The following SNTN variants were observed in gnomAD, a reference collection of about 807,000 sequenced individuals.
SNTN encodes sentan, cilia apical structure protein.
Under a neutral mutation model 12.3 loss-of-function variants are expected in SNTN, and 13 were observed. The ratio of observed to expected loss-of-function variants is 1.05; its 90% CI spans 0.69 to 1.67. The LOEUF (loss-of-function observed/expected upper bound fraction) is 1.67. SNTN is among the 40% of genes most tolerant of loss of function. The pLI is 0.00. For synonymous variants in SNTN, 69 were observed against 58.5 expected (o/e 1.18, Z -0.82); for missense variants, 189 against 169.8 (o/e 1.11, Z -0.63).
chr3:63,659,922 G>T, intron 3 of SNTN, 58 bp downstream of exon 3: 1 of 1,595,876 alleles, frequency 6.3e-7, no homozygotes, highest in South Asian at 1.1e-5. Context: ...CTGACCCAAT[G>T]AGCAAATAAC....
chr3:63,660,165 C>T, intron 3 of SNTN, among the ~76,000 whole-genome samples: 1 of 152,146 alleles, frequency 6.6e-6, no homozygotes, highest in Middle Eastern at 3.4e-3. Context: ...CAAAGATGGG[C>T]TCCTGGAAAA....
At position 63,652,892 on chromosome 3, in the gene SNTN, T is replaced by C. The variant is rs1309137783; in HGVS notation, c.110+95T>C. 12 of 1,193,792 alleles carry C rather than the reference T, an allele frequency of 1.0e-5. No homozygotes were observed. The African/African-American group carries it at 1.4e-4, about 14-fold the overall frequency. The allele number at this position is 1,193,792 out of a possible 1,614,324, so 73.9% of individuals were successfully genotyped here. A position where few individuals can be genotyped will look rare whatever the true frequency, so the allele number is the denominator to read the frequency against. On this transcript the variant is annotated intron_variant, in intron 1 of 3. Transcript: ENST00000343837. ...GTCAACAGCTTTATAAGCCAAGTTATTGCCAGTTTGGTGCCTATTACCTAC... is the reference window on the plus strand; with the variant it reads ...GTCAACAGCTTTATAAGCCAAGTTACTGCCAGTTTGGTGCCTATTACCTAC...
chr3:63,664,242 A>G lies in SNTN; in HGVS notation c.*147A>G. On this transcript the variant is annotated 3_prime_UTR_variant, in exon 4 of 4. Transcript: ENST00000343837. ...ATTGCTGGTATTCAGATCCAATGTA[A>G]CTCCAAATATTTACCCATACACTTC... The G allele has an allele frequency of 1.4e-6, 1 of 693,666 alleles. No homozygotes were observed. Among genetic ancestry groups the G allele is most frequent in the Non-Finnish European group, 2.3e-6 (1 of 428,850 alleles). The allele number at this position is 693,666 out of a possible 1,614,324, so 43.0% of individuals were successfully genotyped here.
intron 2 of SNTN, among the ~76,000 whole-genome samples, chr3:63,658,129 C>T (rs566366862): frequency 2.6e-5 from 4 of 152,242 alleles, no homozygotes; most frequent in Non-Finnish European, 5.9e-5. Flanking sequence ...TGTCTTCTTT[C>T]AGAAATCTGC....
At chr3:63,662,465 T>C (rs965845856) in intron 3 of SNTN, among the ~76,000 whole-genome samples, 2 of 152,174 alleles carry the variant, frequency 1.3e-5, no homozygotes, top group Non-Finnish European at 2.9e-5. Context: ...AGGTGACAGG[T>C]CATGCCCCAG....
rs752744525 is a variant in SNTN at position 63,652,780 on chromosome 3, T to C, written c.93T>C (p.Pro31=). Residue 31 remains proline (P), a synonymous_variant, in exon 1 of 4, where the codon CCT becomes CCC. Coordinates refer to ENST00000343837, the MANE Select transcript of SNTN (RefSeq NM_001080537.2). ...CAGCCCCAACATCCACCTGCGCACC[T>C]AGGAAAATGCCCAAAAGGTCAGTGG... ...PSAAPTSTCA[P]RKMPKRISIS... The C allele has an allele frequency of 6.2e-7, 1 of 1,613,984 alleles. No individual in the cohort carries two copies. Among genetic ancestry groups the C allele is most frequent in the Admixed American group, 1.7e-5 (1 of 59,994 alleles).
intron 2 of SNTN, among the ~76,000 whole-genome samples, chr3:63,659,160 T>C (rs1700715605): frequency 6.6e-6 from 1 of 152,194 alleles, no homozygotes; most frequent in Non-Finnish European, 1.5e-5. Context: ...AGCATTGCCC[T>C]ATCAAGAAGC....
rs773451193 is a variant in SNTN, at chr3:63,659,705, C to T, written c.146-20C>T. ...TATTTCTAACTCAGGATACTTTATT[C>T]CACATTTCTTCTCTCCTAGCTCTGA... On this transcript the variant is annotated intron_variant, in intron 2 of 3. Coordinates refer to ENST00000343837, the MANE Select transcript of SNTN (RefSeq NM_001080537.2). The T allele has an allele frequency of 1.4e-5, 23 of 1,613,236 alleles. No homozygotes were observed. Among genetic ancestry groups the T allele is most frequent in the Admixed American group, 8.3e-5 (5 of 59,966 alleles).
intron 2 of SNTN, among the ~76,000 whole-genome samples, chr3:63,659,514 A>T (rs924316530): frequency 1.3e-5 from 2 of 151,840 alleles, no homozygotes; most frequent in Non-Finnish European, 2.9e-5. Context: ...CTCATATCTA[A>T]CTCTACTAAT....
At chr3:63,654,019 C>G (rs1203399829) in intron 1 of SNTN, among the ~76,000 whole-genome samples, 1 of 152,228 alleles carries the variant, frequency 6.6e-6, no homozygotes, top group Non-Finnish European at 1.5e-5. Context: ...TCCTTCTTCA[C>G]TACTGATTCA....
chr3:63,655,079 G>A (rs978346219), intron 2 of SNTN, among the ~76,000 whole-genome samples: 3 of 152,040 alleles, frequency 2.0e-5, no homozygotes, highest in Admixed American at 6.6e-5. Context: ...ATCCAGTTGC[G>A]TCTCCAAGGG....
chr3:63,664,019 T>C lies in SNTN; in HGVS notation c.368T>C (p.Phe123Ser). Residue 123 changes from phenylalanine (F) to serine (S), a missense_variant, in exon 4 of 4, where the codon TTC (phenylalanine) becomes TCC (serine). Physicochemically the swap from Phe to Ser is radical, Grantham distance 155. Transcript: ENST00000343837. ...HTENKLDFED[F>S]MILLLSITVM... ...GAAAATAAGCTAGATTTTGAAGACT[T>C]CATGATCTTGCTCTTAAGCATCACT... is the stretch of plus-strand genomic sequence containing the variant. 1 of 1,614,016 alleles carries C rather than the reference T, an allele frequency of 6.2e-7. No homozygotes were observed. Among genetic ancestry groups the C allele is most frequent in the Non-Finnish European group, 8.5e-7 (1 of 1,179,934 alleles).
At chr3:63,655,361 G>A (rs540217832) in intron 2 of SNTN, among the ~76,000 whole-genome samples, 1 of 152,254 alleles carries the variant, frequency 6.6e-6, no homozygotes, top group East Asian at 1.9e-4. Flanking sequence ...GGCTTCACCT[G>A]TTTACAGAGT....
In SNTN at chr3:63,663,963, A is replaced by T; in HGVS notation, c.312A>T (p.Arg104Ser). Residue 104 changes from arginine to serine, a missense_variant, in exon 4 of 4, where the codon AGA becomes AGT. By Grantham distance (110) the Arg-to-Ser change is moderately radical (BLOSUM62 -1). Coordinates refer to ENST00000343837, the MANE Select transcript of SNTN (RefSeq NM_001080537.2). ...AEGQETKPKY[R>S]EILSELDEHT... ...GACAAGAAACCAAGCCAAAATACAG[A>T]GAGATCCTTTCTGAACTTGATGAGC... 6.2e-7 allele frequency: 1 copy of T among 1,613,188 alleles called. No homozygotes were observed. Among genetic ancestry groups the T allele is most frequent in the Non-Finnish European group, 8.5e-7 (1 of 1,179,808 alleles).
intron 3 of SNTN, 67 bp downstream of exon 3, chr3:63,659,931 A>C: frequency 6.4e-7 from 1 of 1,570,114 alleles, no homozygotes; most frequent in Non-Finnish European, 8.7e-7. Context: ...TGAGCAAATA[A>C]CTCCAGCTCC....
At chr3:63,659,911 G>A (rs2106942433) in intron 3 of SNTN, 47 bp downstream of exon 3, 1 of 1,607,670 alleles carries the variant, frequency 6.2e-7, no homozygotes. Context: ...CACCCTCATG[G>A]CTGACCCAAT....
rs549526929 is a variant in SNTN, at chr3:63,664,873, C to T, written c.*778C>T. 1.3e-5 allele frequency among the ~76,000 whole-genome samples: 2 copies of T among 152,260 alleles called. No homozygotes were observed. Among genetic ancestry groups the T allele is most frequent in the South Asian group, 4.1e-4 (2 of 4,820 alleles). ...GTTCAAGTGATTCTCCTGCCTCAGCCTCCTGAGTAGCTGGGATTACAGGCG... is the reference window on the plus strand; with the variant it reads ...GTTCAAGTGATTCTCCTGCCTCAGCTTCCTGAGTAGCTGGGATTACAGGCG... On this transcript the variant is annotated 3_prime_UTR_variant, in exon 4 of 4. Coordinates refer to ENST00000343837, the MANE Select transcript of SNTN (RefSeq NM_001080537.2).
At chr3:63,661,083 G>C (rs1378930312) in intron 3 of SNTN, among the ~76,000 whole-genome samples, 1 of 152,154 alleles carries the variant, frequency 6.6e-6, no homozygotes, top group African/African-American at 2.4e-5. Context: ...TGTAAATTCA[G>C]TGGATTAGAG....
intron 2 of SNTN, among the ~76,000 whole-genome samples, chr3:63,658,543 G>C (rs1194272470): frequency 1.1e-4 from 16 of 151,762 alleles, no homozygotes; most frequent in Non-Finnish European, 2.2e-4. Context: ...AGATCTATGA[G>C]AGCAGAAACC....
Sources: gnomAD v4.1 joint callset for allele counts (sites outside exome capture counted in the v4.1 genomes callset) on GRCh38, gnomAD v4.1.1 for gene constraint, MANE v1.5 for transcripts, NCBI Gene and HGNC (gene_info 2026-07-23, HGNC 2026-07-21) for gene names.